GABRG3: variants seen among roughly 807,000 people sequenced by gnomAD.
GABRG3 encodes the protein gamma-aminobutyric acid receptor subunit gamma-3.
GABRG3 carries 25 observed loss-of-function variants against 48.8 expected under a neutral mutation model. The ratio of observed to expected loss-of-function variants is 0.51; its 90% CI spans 0.37 to 0.72. The LOEUF is 0.72. Among genes scored for constraint, GABRG3 ranks in the 30% least tolerant of loss-of-function variants. The probability of loss-of-function intolerance (pLI) is 0.00; values close to 1 mark genes in which losing one functional copy is unlikely to be tolerated. For missense variants in GABRG3, 394 were observed against 577.9 expected (o/e 0.68, Z 3.26); for synonymous variants, 227 against 217.6 (o/e 1.04, Z -0.38).
Position 27,354,030 on chromosome 15 carries a change from G to T in GABRG3, c.574+25142G>T, listed in dbSNP as rs111380411. Among the ~76,000 whole-genome samples the T allele has an allele frequency of 4.3e-3, 656 of 152,256 alleles. 3 individuals are homozygous for T. The highest frequency in any genetic ancestry group is 0.015 in the African/African-American group (628 of 41,554). The stretch of plus-strand genomic sequence containing the variant: ...GGGAAGAAAGAAGGGAGGGAGGAAG[G>T]GCTTGATGAGGTAGCTGGCTGATTG... On this transcript the variant is annotated intron_variant, in intron 5 of 9. Transcript: ENST00000615808.
intron 3 of GABRG3, among the ~76,000 whole-genome samples, chr15:27,320,591 C>T (rs1893389013): frequency 1.3e-5 from 2 of 152,102 alleles, no homozygotes; most frequent in Admixed American, 6.5e-5. Flanking sequence ...TTCTGCTTCC[C>T]CGTGCTGGAG....
intron 3 of GABRG3, chr15:27,271,774 G>A (rs1031154354): frequency 8.2e-6 from 3 of 367,456 alleles, no homozygotes; most frequent in Non-Finnish European, 1.6e-5. Flanking sequence ...GGTCAGGGAC[G>A]CATAGGCAGG....
At chr15:27,047,710 G>A (rs2140706693) in intron 3 of GABRG3, among the ~76,000 whole-genome samples, 1 of 152,316 alleles carries the variant, frequency 6.6e-6, no homozygotes, top group African/African-American at 2.4e-5. Context: ...GATTTTAAAA[G>A]GACAAGCTGA....
chr15:27,298,374 T>A (rs1393952187), intron 3 of GABRG3, among the ~76,000 whole-genome samples: 1 of 152,076 alleles, frequency 6.6e-6, no homozygotes, highest in Non-Finnish European at 1.5e-5. Context: ...TATGCCTTTC[T>A]CCAAAGATGA....
chr15:27,161,700 A>G (rs1179231071), intron 3 of GABRG3, among the ~76,000 whole-genome samples: 1 of 151,982 alleles, frequency 6.6e-6, no homozygotes, highest in Non-Finnish European at 1.5e-5. Context: ...ATTCACCTCA[A>G]ATTAATTTTT....
intron 2 of GABRG3, among the ~76,000 whole-genome samples, chr15:26,991,515 T>C (rs1002448777): frequency 3.9e-5 from 6 of 152,302 alleles, no homozygotes; most frequent in African/African-American, 1.4e-4. Context: ...TTGCTTTGGG[T>C]AGTATAGACA....
intron 2 of GABRG3, among the ~76,000 whole-genome samples, chr15:26,985,537 A>C (rs535751317): frequency 1.3e-5 from 2 of 152,310 alleles, no homozygotes; most frequent in South Asian, 4.1e-4. Context: ...GAAAAATTAT[A>C]AGCACAGTTG....
intron 3 of GABRG3, among the ~76,000 whole-genome samples, chr15:27,063,992 T>G (rs1465062505): frequency 6.6e-6 from 1 of 152,186 alleles, no homozygotes; most frequent in Non-Finnish European, 1.5e-5. Context: ...CTAGGTGCTG[T>G]CCCCAGTCAG....
chr15:27,282,255 T>G (rs188765286), intron 3 of GABRG3, among the ~76,000 whole-genome samples: 75 of 152,334 alleles, frequency 4.9e-4, no homozygotes, highest in Non-Finnish European at 9.7e-4. Context: ...TGTAGGTTAA[T>G]GTCTGTTGCC....
intron 3 of GABRG3, among the ~76,000 whole-genome samples, chr15:27,175,865 C>G (rs1887727753): frequency 6.6e-6 from 1 of 152,100 alleles, no homozygotes; most frequent in South Asian, 2.1e-4. Context: ...AGACATTGTT[C>G]CTTCCTCTGA....
At chr15:27,167,011 G>A (rs1456904853) in intron 3 of GABRG3, among the ~76,000 whole-genome samples, 2 of 152,148 alleles carry the variant, frequency 1.3e-5, no homozygotes, top group East Asian at 1.9e-4. Context: ...CACTAATTTT[G>A]CTCAGCTCTT....
intron 5 of GABRG3, among the ~76,000 whole-genome samples, chr15:27,369,543 C>A (rs1895324275): frequency 6.6e-6 from 1 of 152,106 alleles, no homozygotes; most frequent in Non-Finnish European, 1.5e-5. Flanking sequence ...ATTGGCCGGG[C>A]GCGGTGGCTC....
Position 27,364,734 on chromosome 15 carries a change from T to G in GABRG3, c.574+35846T>G, listed in dbSNP as rs994517557. The G allele has an allele frequency of 3.3e-5, 5 of 152,294 alleles. No homozygotes were observed. In the East Asian group the frequency reaches 9.7e-4, roughly 30 times the overall value. 9.4% of individuals were successfully genotyped at this position (152,294 alleles called of 1,614,324 possible). ...GGGCAAATTATTAAAAAGATTTGTA[T>G]AACCTGGCTACATCATGATCACTAA... On this transcript the variant is annotated intron_variant, in intron 5 of 9. Transcript: ENST00000615808.
intron 5 of GABRG3, among the ~76,000 whole-genome samples, chr15:27,394,078 TA>T (rs549727644): frequency 6.6e-5 from 10 of 152,212 alleles, no homozygotes; most frequent in Non-Finnish European, 1.5e-4. Flanking sequence ...TTTTATTGTT[TA>T]ATATTTAATG....
intron 3 of GABRG3, among the ~76,000 whole-genome samples, chr15:27,086,792 T>G (rs2088351243): frequency 6.6e-6 from 1 of 152,192 alleles, no homozygotes; most frequent in African/African-American, 2.4e-5. Flanking sequence ...GGGGAGAGTT[T>G]TGAGTTCTGG....
At chr15:27,162,024 T>C (rs1052349235) in intron 3 of GABRG3, among the ~76,000 whole-genome samples, 7 of 152,216 alleles carry the variant, frequency 4.6e-5, no homozygotes, top group Non-Finnish European at 1.0e-4. Context: ...ACTATAATTT[T>C]ATTTATAAAA....
At chr15:27,153,512 T>C (rs938848343) in intron 3 of GABRG3, among the ~76,000 whole-genome samples, 6 of 152,208 alleles carry the variant, frequency 3.9e-5, no homozygotes, top group African/African-American at 1.2e-4. Context: ...TAGCTCTATA[T>C]ATGAAATATT....
rs918435350 is a variant in GABRG3 at position 27,180,222 on chromosome 15, G to A, written c.271-146587G>A. Among the ~76,000 whole-genome samples the A allele has an allele frequency of 6.6e-6, 1 of 152,098 alleles. No individual in the cohort carries two copies. The highest frequency in any genetic ancestry group is 2.4e-5 in the African/African-American group (1 of 41,398). ...ACTTTTTCTGAAGGACCTTAGCACG[G>A]TCTAAATAAAGTTTGTAAACCACTG... is the stretch of plus-strand genomic sequence containing the variant. On this transcript the variant is annotated intron_variant, in intron 3 of 9. Transcript: ENST00000615808. The surrounding 1 kb of genome is among the most constrained non-coding windows in gnomAD (Gnocchi z 4.2).
intron 3 of GABRG3, among the ~76,000 whole-genome samples, chr15:27,193,312 G>GC (rs1012895189): frequency 2.2e-4 from 34 of 152,096 alleles, no homozygotes; most frequent in African/African-American, 7.9e-4. Context: ...TCTGTGCCCT[G>GC]CCCCCAGAGG....
Sources: allele counts gnomAD v4.1 joint callset (sites outside exome capture counted in the v4.1 genomes callset), GRCh38; gene constraint gnomAD v4.1.1; non-coding constraint Gnocchi (gnomAD v3.1); transcripts MANE v1.5; gene names NCBI Gene and HGNC (gene_info 2026-07-23, HGNC 2026-07-21).